Variants in ADAMTSL1 observed in about 807,000 individuals in gnomAD.
ADAMTSL1 encodes the protein ADAMTS like 1.
Under a neutral mutation model 201.8 loss-of-function variants are expected in ADAMTSL1, and 126 were observed. The ratio of observed to expected loss-of-function variants is 0.62; its 90% CI spans 0.54 to 0.72. The LOEUF (loss-of-function observed/expected upper bound fraction) is 0.72. ADAMTSL1 is among the 30% of genes least tolerant of loss of function. The probability of loss-of-function intolerance (pLI) is 0.00; values close to 1 mark genes in which losing one functional copy is unlikely to be tolerated. For synonymous variants in ADAMTSL1, 1,121 were observed against 903.4 expected (o/e 1.24, Z -4.32); for missense variants, 2,679 against 2,277.8 (o/e 1.18, Z -3.59).
At chr9:18,126,894 G>T (rs1168087964) in intron 1 of ADAMTSL1, among the ~76,000 whole-genome samples, 1 of 152,132 alleles carries the variant, frequency 6.6e-6, no homozygotes, top group Non-Finnish European at 1.5e-5. Context: ...AAGATAGAGG[G>T]AGTTTCCTAC....
intron 2 of ADAMTSL1, among the ~76,000 whole-genome samples, chr9:18,171,095 A>G (rs531532490): frequency 9.2e-5 from 14 of 152,212 alleles, no homozygotes; most frequent in Non-Finnish European, 1.9e-4. Context: ...TGAAGAAGAA[A>G]AGGATGAGTG....
At chr9:18,795,115 G>C (rs1488610525) in intron 19 of ADAMTSL1, among the ~76,000 whole-genome samples, 2 of 152,102 alleles carry the variant, frequency 1.3e-5, no homozygotes, top group Non-Finnish European at 2.9e-5. Context: ...TATGTATTTG[G>C]TGCACATATG....
chr9:18,604,777 A>C (rs1044775215), intron 4 of ADAMTSL1, among the ~76,000 whole-genome samples: 2 of 152,206 alleles, frequency 1.3e-5, no homozygotes, highest in African/African-American at 4.8e-5. Flanking sequence ...GATAGGCGCA[A>C]AAGTAGCATT....
At chr9:18,417,768 G>C (rs933832953) in intron 2 of ADAMTSL1, among the ~76,000 whole-genome samples, 1 of 152,042 alleles carries the variant, frequency 6.6e-6, no homozygotes, top group Admixed American at 6.6e-5. Context: ...AGACCCAAAT[G>C]GTTTCACCGC....
At chr9:18,574,447 G>A (rs1341070) in intron 4 of ADAMTSL1, 181 bp downstream of exon 4, 197,708 of 670,962 alleles carry the variant, frequency 0.29, 30,684 homozygotes, top group Admixed American at 0.38. Flanking sequence ...TGTATTGTGC[G>A]AAGGAAAAGT....
intron 2 of ADAMTSL1, among the ~76,000 whole-genome samples, chr9:18,236,483 T>C (rs558375485): frequency 6.6e-6 from 1 of 152,354 alleles, no homozygotes; most frequent in South Asian, 2.1e-4. Context: ...AGGCTAATAC[T>C]GTCCATATCA....
chr9:17,957,039 A>G (rs1447416534), intron 1 of ADAMTSL1, among the ~76,000 whole-genome samples: 1 of 152,148 alleles, frequency 6.6e-6, no homozygotes, highest in Non-Finnish European at 1.5e-5. Flanking sequence ...ATATATACAT[A>G]TTTTCCTAGA....
chr9:18,043,416 C>A (rs913850836), intron 1 of ADAMTSL1, among the ~76,000 whole-genome samples: 3 of 152,012 alleles, frequency 2.0e-5, no homozygotes, highest in Admixed American at 6.6e-5. Flanking sequence ...AGGCAGCTTC[C>A]AAAGCAACTG....
intron 2 of ADAMTSL1, among the ~76,000 whole-genome samples, chr9:18,440,095 T>G (rs910030955): frequency 2.0e-5 from 3 of 152,210 alleles, no homozygotes; most frequent in Non-Finnish European, 4.4e-5. Context: ...TCTCTTAAAA[T>G]GTATTTATTA....
chr9:18,628,373 C>T (rs1160918501), intron 5 of ADAMTSL1, among the ~76,000 whole-genome samples: 1 of 152,088 alleles, frequency 6.6e-6, no homozygotes, highest in African/African-American at 2.4e-5. Flanking sequence ...TGTCTTTAAA[C>T]CTTGTCAAAA....
chr9:18,839,075 G>A (rs1349703420), intron 23 of ADAMTSL1, among the ~76,000 whole-genome samples: 3 of 146,542 alleles, frequency 2.0e-5, no homozygotes, highest in South Asian at 4.3e-4. Flanking sequence ...GGGTACATGT[G>A]CACAATGTGC....
chr9:18,066,445 T>C (rs533889080), intron 1 of ADAMTSL1, among the ~76,000 whole-genome samples: 29 of 152,360 alleles, frequency 1.9e-4, no homozygotes, highest in South Asian at 8.3e-4. Flanking sequence ...AAATATTCTT[T>C]ATTATTTTAT....
At chr9:18,254,596 T>C (rs541179616) in intron 2 of ADAMTSL1, among the ~76,000 whole-genome samples, 165 of 151,670 alleles carry the variant, frequency 1.1e-3, no homozygotes, top group South Asian at 2.7e-3. Context: ...ATCTCCTGAC[T>C]TCGTGATCCG....
At chr9:18,299,955 G>A (rs531172451) in intron 2 of ADAMTSL1, among the ~76,000 whole-genome samples, 6 of 152,308 alleles carry the variant, frequency 3.9e-5, no homozygotes, top group Admixed American at 6.5e-5. Context: ...AGAAGAGAGT[G>A]CAGTCATGCT....
chr9:18,292,932 C>T (rs779325438), intron 2 of ADAMTSL1, among the ~76,000 whole-genome samples: 1 of 152,160 alleles, frequency 6.6e-6, no homozygotes, highest in African/African-American at 2.4e-5. Context: ...TACATATATC[C>T]TATTAGTTCT....
chr9:18,060,978 G>C (rs1405401327), intron 1 of ADAMTSL1, among the ~76,000 whole-genome samples: 1 of 152,106 alleles, frequency 6.6e-6, no homozygotes, highest in Non-Finnish European at 1.5e-5. Flanking sequence ...ACTCACACTG[G>C]ATGAGAACAT....
intron 15 of ADAMTSL1, 22 bp downstream of exon 15, chr9:18,721,687 C>T (rs1399644798): frequency 3.7e-6 from 6 of 1,612,558 alleles, no homozygotes; most frequent in Non-Finnish European, 3.4e-6. Flanking sequence ...GTGGCCTGCC[C>T]TGCTGTCCAG....
chr9:18,528,794 C>G (rs749396454), intron 2 of ADAMTSL1, among the ~76,000 whole-genome samples: 1 of 152,030 alleles, frequency 6.6e-6, no homozygotes, highest in African/African-American at 2.4e-5. Flanking sequence ...AGTGCTGTAA[C>G]TATTTTATAG....
chr9:17,991,877 G>T (rs1819166468), intron 1 of ADAMTSL1, among the ~76,000 whole-genome samples: 1 of 152,054 alleles, frequency 6.6e-6, no homozygotes, highest in Admixed American at 6.6e-5. Context: ...TGCTTCCTTG[G>T]GAACATGAGA....
Sources: gnomAD v4.1 joint callset for allele counts (sites outside exome capture counted in the v4.1 genomes callset) on GRCh38, gnomAD v4.1.1 for gene constraint, MANE v1.5 for transcripts, NCBI Gene and HGNC (gene_info 2026-07-23, HGNC 2026-07-21) for gene names.